Variants in WFDC11 observed in about 807,000 individuals in gnomAD.
WFDC11 encodes protein WFDC11.
WFDC11 carries 9 observed loss-of-function variants against 9.9 expected under a neutral mutation model. That is an observed-to-expected ratio of 0.91 (90% CI 0.55 to 1.58). WFDC11 has a LOEUF of 1.58. Among genes scored for constraint, WFDC11 ranks in the 40% most tolerant of loss-of-function variants. The pLI is 0.00. For synonymous variants in WFDC11, 32 were observed against 33.3 expected (o/e 0.96, Z 0.13); for missense variants, 106 against 101.7 (o/e 1.04, Z -0.18).
At chr20:45,650,711 C>T (rs1295364761) in intron 2 of WFDC11, 60 bp from the exon 3 acceptor site, 16 of 868,052 alleles carry the variant, frequency 1.8e-5, no homozygotes, top group East Asian at 1.0e-4. Context: ...AAGTGCTTGT[C>T]GAATTTCTTC....
chr20:45,662,610 TA>T (rs1983095054), intron 2 of WFDC11, among the ~76,000 whole-genome samples: 1 of 152,248 alleles, frequency 6.6e-6, no homozygotes, highest in Non-Finnish European at 1.5e-5. Context: ...GCAAATTTAT[TA>T]AAAGTTTTTA....
chr20:45,665,330 G>A (rs189893571), intron 2 of WFDC11, among the ~76,000 whole-genome samples: 93 of 152,204 alleles, frequency 6.1e-4, no homozygotes, highest in Middle Eastern at 3.4e-3. Context: ...TTTTTCTTAT[G>A]GTTTTTAGCT....
chr20:45,657,341 C>A (rs949616689), intron 2 of WFDC11, among the ~76,000 whole-genome samples: 23 of 150,068 alleles, frequency 1.5e-4, no homozygotes, highest in Non-Finnish European at 2.1e-4. Context: ...GGACAAAAAA[C>A]CAAACACTGC....
intron 2 of WFDC11, among the ~76,000 whole-genome samples, chr20:45,666,702 A>G (rs904676483): frequency 2.0e-5 from 3 of 152,184 alleles, no homozygotes; most frequent in Admixed American, 1.3e-4. Flanking sequence ...CACTTCACCC[A>G]ATAATGTTCT....
rs915092883 is a variant in WFDC11, at chr20:45,658,735, A to G, written c.-51-8084T>C. ...CTGATCTTGGTTATTTTCTTTTTTT[A>G]TCACACTTTAAGTTCTGGAGTACAT... On this transcript the variant is annotated intron_variant, in intron 2 of 4. Transcript: ENST00000324384. Among the ~76,000 whole-genome samples, 27 of 151,250 alleles carry G rather than the reference A, an allele frequency of 1.8e-4. 1 individual carries two copies. Among genetic ancestry groups the G allele is most frequent in the African/African-American group, 6.6e-4 (27 of 41,008 alleles).
Position 45,654,857 on chromosome 20 carries a change from C to T in WFDC11, c.-51-4206G>A, listed in dbSNP as rs546372968. On this transcript the variant is annotated intron_variant, in intron 2 of 4. Transcript: ENST00000324384. ...AAGAAAGGCATAAATTCCTTGACAC[C>T]TACACCCTCCCAAGACTAAACCAGG... Among the ~76,000 whole-genome samples, 15 of 152,154 alleles carry T rather than the reference C, an allele frequency of 9.9e-5. No homozygotes were observed. In the South Asian group the frequency reaches 3.1e-3, roughly 32 times the overall value.
chr20:45,662,141 G>T (rs1371021585), intron 2 of WFDC11, among the ~76,000 whole-genome samples: 1 of 152,148 alleles, frequency 6.6e-6, no homozygotes, highest in African/African-American at 2.4e-5. Context: ...CACGTCCCTT[G>T]TAAGTTGGAT....
intron 2 of WFDC11, among the ~76,000 whole-genome samples, chr20:45,661,787 T>C (rs529976027): frequency 3.9e-5 from 6 of 152,264 alleles, no homozygotes; most frequent in Admixed American, 2.0e-4. Context: ...ATCTCCGTTT[T>C]GGTACCAGTA....
chr20:45,666,981 G>C (rs1338715249), intron 2 of WFDC11, 107 bp downstream of exon 2: 1 of 152,148 alleles, frequency 6.6e-6, no homozygotes, highest in Non-Finnish European at 1.5e-5. Context: ...GATAGTGTTG[G>C]CATGATGCAG....
At chr20:45,659,497 G>T (rs962655193) in intron 2 of WFDC11, among the ~76,000 whole-genome samples, 4 of 152,194 alleles carry the variant, frequency 2.6e-5, no homozygotes, top group Admixed American at 2.0e-4. Context: ...TTTGTTGGCT[G>T]CATAAACGTC....
chr20:45,651,376 GT>G lies in WFDC11; in HGVS notation c.-51-726del, dbSNP rs199599002. On this transcript the variant is annotated intron_variant, in intron 2 of 4. Transcript: ENST00000324384. ...AGTACCCATCAACCATTCTGGAGGG[GT>G]TTTTTTTGTTTTGTTTGTTTGTTTG... is the stretch of plus-strand genomic sequence containing the variant. 1.0e-3 allele frequency among the ~76,000 whole-genome samples: 158 copies of G among 151,798 alleles called. 2 individuals are homozygous for G. Among genetic ancestry groups the G allele is most frequent in the African/African-American group, 3.5e-3 (145 of 41,378 alleles).
At chr20:45,657,146 A>T (rs1170399664) in intron 2 of WFDC11, among the ~76,000 whole-genome samples, 1 of 152,108 alleles carries the variant, frequency 6.6e-6, no homozygotes, top group Non-Finnish European at 1.5e-5. Flanking sequence ...ATGTTTATTG[A>T]GGCACTATTC....
At chr20:45,657,365 T>C (rs978381884) in intron 2 of WFDC11, among the ~76,000 whole-genome samples, 2 of 137,376 alleles carry the variant, frequency 1.5e-5, no homozygotes, top group East Asian at 2.2e-4. Flanking sequence ...TTCTCACTCA[T>C]AGGTGGGAAT....
At chr20:45,650,443 T>A in intron 3 of WFDC11, 58 bp downstream of exon 3, 1 of 1,407,142 alleles carries the variant, frequency 7.1e-7, no homozygotes, top group Non-Finnish European at 1.0e-6. Flanking sequence ...ACCCCCTCCC[T>A]TGTTCAGAAA....
chr20:45,659,990 T>G (rs1478299121), intron 2 of WFDC11, among the ~76,000 whole-genome samples: 2 of 152,194 alleles, frequency 1.3e-5, no homozygotes, highest in African/African-American at 4.8e-5. Flanking sequence ...TATTGCTTGC[T>G]TTTTTCAGCT....
intron 1 of WFDC11, among the ~76,000 whole-genome samples, chr20:45,669,382 G>A (rs1600944669): frequency 6.6e-6 from 1 of 152,030 alleles, no homozygotes; most frequent in Non-Finnish European, 1.5e-5. Context: ...CAAATATTTT[G>A]GTTTCTCAGT....
At chr20:45,654,468 A>G (rs1424954187) in intron 2 of WFDC11, among the ~76,000 whole-genome samples, 1 of 152,224 alleles carries the variant, frequency 6.6e-6, no homozygotes, top group Non-Finnish European at 1.5e-5. Flanking sequence ...AAATGCCCAC[A>G]AGAGAGAGCA....
chr20:45,650,226 A>T (rs1302150000), intron 3 of WFDC11, among the ~76,000 whole-genome samples: 4 of 132,940 alleles, frequency 3.0e-5, no homozygotes, highest in African/African-American at 1.2e-4. Context: ...ACACACACAC[A>T]CACATGTGTT....
At chr20:45,655,382 AC>A (rs1235476803) in intron 2 of WFDC11, among the ~76,000 whole-genome samples, 3 of 152,128 alleles carry the variant, frequency 2.0e-5, no homozygotes, top group Non-Finnish European at 4.4e-5. Context: ...AAATTCAACA[AC>A]CCTTCATGCT....
Sources: gnomAD v4.1 joint callset for allele counts (sites outside exome capture counted in the v4.1 genomes callset) on GRCh38, gnomAD v4.1.1 for gene constraint, MANE v1.5 for transcripts, NCBI Gene and HGNC (gene_info 2026-07-23, HGNC 2026-07-21) for gene names.